CNOT6: variants seen among roughly 807,000 people sequenced by gnomAD.
CNOT6 encodes CCR4-NOT transcription complex subunit 6, also known as carbon catabolite repression 4 protein.
A neutral mutation model predicts 61.2 loss-of-function variants in CNOT6; 12 were observed. That is an observed-to-expected ratio of 0.20 (90% CI 0.13 to 0.32). The LOEUF is 0.32. Ranked by LOEUF, CNOT6 falls within the 10% of genes least tolerant of loss-of-function variation. The pLI, the probability that CNOT6 is intolerant of heterozygous loss-of-function variation, is 1.00. For missense variants in CNOT6, 405 were observed against 663.9 expected (o/e 0.61, Z 4.28); for synonymous variants, 225 against 240.6 (o/e 0.94, Z 0.60).
At chr5:180,513,790 C>T (rs1757508074) in intron 1 of CNOT6, among the ~76,000 whole-genome samples, 1 of 151,980 alleles carries the variant, frequency 6.6e-6, no homozygotes, top group South Asian at 2.1e-4. Context: ...GCAAGCTCCG[C>T]CTCCTGGGTT....
chr5:180,542,046 G>A (rs1759075756), intron 2 of CNOT6, among the ~76,000 whole-genome samples: 1 of 152,070 alleles, frequency 6.6e-6, no homozygotes, highest in African/African-American at 2.4e-5. Context: ...CTTCCAGCGT[G>A]CATTGTTTCT....
chr5:180,496,275 G>A (rs879327105), intron 1 of CNOT6, among the ~76,000 whole-genome samples: 6 of 152,134 alleles, frequency 3.9e-5, no homozygotes, highest in Admixed American at 1.3e-4. Flanking sequence ...CTTTAGATCT[G>A]TGATCTACTC....
At chr5:180,544,654 T>C (rs1300171686) in intron 2 of CNOT6, among the ~76,000 whole-genome samples, 1 of 152,232 alleles carries the variant, frequency 6.6e-6, no homozygotes, top group East Asian at 1.9e-4. Flanking sequence ...TCACCCTGTA[T>C]GGGAAAAGGA....
chr5:180,505,461 G>GT (rs1191360708), intron 1 of CNOT6, among the ~76,000 whole-genome samples: 7 of 133,296 alleles, frequency 5.3e-5, no homozygotes, highest in East Asian at 2.3e-4. Context: ...GTTTCACTGT[G>GT]TAGCCATCCT....
intron 1 of CNOT6, among the ~76,000 whole-genome samples, chr5:180,500,276 G>A (rs1419079950): frequency 6.6e-6 from 1 of 151,680 alleles, no homozygotes; most frequent in Non-Finnish European, 1.5e-5. Context: ...ACACCTGGCT[G>A]ATTTTTCTTA....
At position 180,577,163 on chromosome 5, in the gene CNOT6, A is replaced by ATGTGGGTGTGTGTGTGTGTGTG. The variant is rs1761039634; in HGVS notation, c.*2967_*2968insGGTGTGTGTGTGTGTGTGTGTG. ...AGATAGGCAGAGAACATCTCCAGAA[A>ATGTGGGTGTGTGTGTGTGTGTG]TGTGTGTGTGTGTGTGTGTGTGTGT... is the stretch of plus-strand genomic sequence containing the variant. On this transcript the variant is annotated 3_prime_UTR_variant, in exon 12 of 12. Transcript: ENST00000261951. 6.9e-6 allele frequency: 1 copy of ATGTGGGTGTGTGTGTGTGTGTG among 145,656 alleles called. No homozygotes were observed. 9.0% of individuals were successfully genotyped at this position (145,656 alleles called of 1,614,324 possible). A position where few individuals can be genotyped will look rare whatever the true frequency, so the allele number is the denominator to read the frequency against.
intron 2 of CNOT6, among the ~76,000 whole-genome samples, chr5:180,538,892 T>C (rs1272013306): frequency 1.3e-5 from 2 of 148,524 alleles, no homozygotes; most frequent in East Asian, 4.1e-4. Context: ...AGAAAAAAAA[T>C]TGTCTGGGTA....
At chr5:180,499,414 G>C (rs2127688437) in intron 1 of CNOT6, among the ~76,000 whole-genome samples, 1 of 152,272 alleles carries the variant, frequency 6.6e-6, no homozygotes, top group African/African-American at 2.4e-5. Flanking sequence ...CTAGGATATG[G>C]GTTGTAAACA....
At chr5:180,533,043 T>C (rs1008758187) in intron 2 of CNOT6, among the ~76,000 whole-genome samples, 2 of 152,112 alleles carry the variant, frequency 1.3e-5, no homozygotes, top group African/African-American at 4.8e-5. Flanking sequence ...ATAGGCATGG[T>C]TGACAGCTGT....
intron 2 of CNOT6, among the ~76,000 whole-genome samples, chr5:180,533,905 C>A: frequency 6.6e-6 from 1 of 152,170 alleles, no homozygotes; most frequent in East Asian, 1.9e-4. Flanking sequence ...AAGGCTTCCT[C>A]CTCCCTCACT....
rs1371447022 is a variant in CNOT6, at chr5:180,569,183, A to G, written c.1101A>G (p.Glu367=). ...ACGCCCACATGCATTGGGACCCTGAATACTCTGATGTGAAGTTGGTACAAA... is the reference window on the plus strand; with the variant it reads ...ACGCCCACATGCATTGGGACCCTGAGTACTCTGATGTGAAGTTGGTACAAA... The part of the protein sequence containing the change: ...VANAHMHWDP[E]YSDVKLVQTM... Residue 367 remains glutamate (E), a synonymous_variant, in exon 10 of 12, where the codon GAA becomes GAG. Transcript: ENST00000261951. 19 of 1,614,234 alleles carry G rather than the reference A, an allele frequency of 1.2e-5. No homozygotes were observed. The highest frequency in any genetic ancestry group is 1.4e-5 in the Non-Finnish European group (17 of 1,180,038).
At chr5:180,563,371 C>A (rs1042627235) in intron 4 of CNOT6, among the ~76,000 whole-genome samples, 12 of 148,798 alleles carry the variant, frequency 8.1e-5, no homozygotes, top group Non-Finnish European at 1.6e-4. Flanking sequence ...CCCGCCACCA[C>A]GCCTGGCTGT....
At chr5:180,547,221 G>GTACAT (rs59233678) in intron 2 of CNOT6, among the ~76,000 whole-genome samples, 70,264 of 151,110 alleles carry the variant, frequency 0.46, 17,285 homozygotes, top group Non-Finnish European at 0.56. Context: ...TTTCCTTACA[G>GTACAT]TAAAGTTTTT....
chr5:180,515,293 C>T (rs1561636122), intron 1 of CNOT6, among the ~76,000 whole-genome samples: 1 of 151,914 alleles, frequency 6.6e-6, no homozygotes, highest in African/African-American at 2.4e-5. Context: ...AAAATATTAG[C>T]TGGGTGTGGT....
intron 2 of CNOT6, among the ~76,000 whole-genome samples, chr5:180,547,980 C>G (rs991449897): frequency 6.6e-6 from 1 of 152,158 alleles, no homozygotes; most frequent in Non-Finnish European, 1.5e-5. Context: ...GTGATCTGCC[C>G]GCCTCAGCTT....
intron 2 of CNOT6, among the ~76,000 whole-genome samples, chr5:180,532,620 C>G (rs1306588379): frequency 6.6e-6 from 1 of 152,172 alleles, no homozygotes; most frequent in Admixed American, 6.5e-5. Context: ...CAGTTAGGTG[C>G]CCTCCAATTC....
intron 2 of CNOT6, among the ~76,000 whole-genome samples, chr5:180,538,768 A>G (rs970683846): frequency 2.7e-5 from 4 of 150,328 alleles, no homozygotes; most frequent in Non-Finnish European, 5.9e-5. Context: ...CAGCTACCCA[A>G]GAGGCTGAGG....
intron 2 of CNOT6, among the ~76,000 whole-genome samples, chr5:180,538,707 T>TATATATAC (rs1561648353): frequency 1.9e-5 from 2 of 105,108 alleles, no homozygotes; most frequent in South Asian, 3.1e-4. Context: ...TATATATATA[T>TATATATAC]ATATATATAC....
intron 2 of CNOT6, among the ~76,000 whole-genome samples, chr5:180,542,798 C>T (rs1759110045): frequency 6.6e-6 from 1 of 152,160 alleles, no homozygotes; most frequent in African/African-American, 2.4e-5. Context: ...CCCAGCCTTC[C>T]TCAAGTCACT....
Sources: allele counts gnomAD v4.1 joint callset (sites outside exome capture counted in the v4.1 genomes callset), GRCh38; gene constraint gnomAD v4.1.1; transcripts MANE v1.5; gene names NCBI Gene and HGNC (gene_info 2026-07-23, HGNC 2026-07-21).